Variants in EZR observed in about 807,000 individuals in gnomAD.
EZR encodes the protein ezrin.
Under a neutral mutation model 74.8 loss-of-function variants are expected in EZR, and 40 were observed. The ratio of observed to expected loss-of-function variants is 0.53; its 90% CI spans 0.42 to 0.70. The LOEUF is 0.70. Among genes scored for constraint, EZR ranks in the 30% least tolerant of loss-of-function variants. EZR has a pLI of 0.00. For missense variants in EZR, 678 were observed against 755.8 expected, an observed-to-expected ratio of 0.90 and a Z score of 1.21; for synonymous variants, 341 against 283.3, an observed-to-expected ratio of 1.20 and a Z score of -2.05.
At chr6:158,797,490 A>G (rs1777098498) in intron 2 of EZR, among the ~76,000 whole-genome samples, 1 of 152,094 alleles carries the variant, frequency 6.6e-6, no homozygotes, top group Admixed American at 6.6e-5. Flanking sequence ...AGCCACCACC[A>G]AGATTACATT....
In EZR at chr6:158,767,323, G is replaced by T. The variant is rs772494253; in HGVS notation, c.1534C>A (p.Arg512Ser). ...ELSSEGIRDD[R>S]NEEKRITEAE... ...TCAGTGATGCGCTTCTCCTCATTGC[G>T]GTCATCCCGGATGCCCTCACTAGAC... The change falls in exon 13 of 14, where the codon CGC (arginine) becomes AGC (serine). Residue 512 changes from arginine to serine, a missense_variant. Coordinates refer to ENST00000367075, the MANE Select transcript of EZR (RefSeq NM_001111077.2). The T allele has an allele frequency of 2.5e-6, 4 of 1,614,144 alleles. No individual in the cohort carries two copies. The highest frequency in any genetic ancestry group is 1.7e-5 in the Admixed American group (1 of 60,024).
chr6:158,817,469 G>A (rs188380362), intron 2 of EZR, among the ~76,000 whole-genome samples: 1 of 152,156 alleles, frequency 6.6e-6, no homozygotes, highest in African/African-American at 2.4e-5. Flanking sequence ...AAACTCCACC[G>A]GCTGCCTGCA....
intron 8 of EZR, among the ~76,000 whole-genome samples, chr6:158,774,365 A>G (rs1451117681): frequency 1.3e-5 from 2 of 152,126 alleles, no homozygotes; most frequent in Non-Finnish European, 2.9e-5. Context: ...GATCCGGCTT[A>G]GTTTTTAATC....
At chr6:158,773,289 G>A (rs1386947807) in intron 8 of EZR, among the ~76,000 whole-genome samples, 1 of 152,178 alleles carries the variant, frequency 6.6e-6, no homozygotes, top group African/African-American at 2.4e-5. Flanking sequence ...TGCCAGCAAC[G>A]GGAACCAGAA....
intron 12 of EZR, among the ~76,000 whole-genome samples, chr6:158,768,933 G>A (rs947783980): frequency 2.0e-5 from 3 of 152,180 alleles, no homozygotes; most frequent in African/African-American, 4.8e-5. Context: ...AGCTGCAGGA[G>A]GTCGTGTTTC....
chr6:158,811,315 T>C (rs1777446501), intron 2 of EZR, among the ~76,000 whole-genome samples: 1 of 148,296 alleles, frequency 6.7e-6, no homozygotes, highest in Non-Finnish European at 1.5e-5. Flanking sequence ...GAAAGCAGAC[T>C]GAATTTCACT....
intron 13 of EZR, 78 bp from the exon 14 acceptor site, chr6:158,767,156 C>A: frequency 1.3e-6 from 2 of 1,591,084 alleles, no homozygotes; most frequent in South Asian, 1.1e-5. Context: ...ACAGGAAGGG[C>A]AAGAGGGGTG....
intron 10 of EZR, among the ~76,000 whole-genome samples, 175 bp downstream of exon 10, chr6:158,770,589 A>G (rs772076586): frequency 2.2e-4 from 33 of 152,204 alleles, no homozygotes; most frequent in Non-Finnish European, 4.1e-4. Context: ...TCAAAGTTAA[A>G]TAAGTACAGA....
chr6:158,771,130 G>A (rs1218682368), intron 9 of EZR, 114 bp downstream of exon 9: 1 of 1,452,864 alleles, frequency 6.9e-7, no homozygotes, highest in Non-Finnish European at 9.2e-7. Context: ...TGGTGACTGG[G>A]TTCCATTCCA....
chr6:158,818,983 G>A (rs1336123136), intron 1 of EZR, among the ~76,000 whole-genome samples: 3 of 152,144 alleles, frequency 2.0e-5, no homozygotes, highest in Non-Finnish European at 4.4e-5. Flanking sequence ...TGTAGCAACC[G>A]TTGCCCCGCG....
intron 6 of EZR, among the ~76,000 whole-genome samples, chr6:158,784,070 C>T (rs1791500369): frequency 6.6e-6 from 1 of 152,230 alleles, no homozygotes; most frequent in Non-Finnish European, 1.5e-5. Context: ...AGACAGGAAA[C>T]CCTGAAGCAC....
At chr6:158,811,306 A>G (rs1777446410) in intron 2 of EZR, among the ~76,000 whole-genome samples, 1 of 148,814 alleles carries the variant, frequency 6.7e-6, no homozygotes, top group Non-Finnish European at 1.5e-5. Context: ...ACTGACTTTG[A>G]AAGCAGACTG....
At chr6:158,796,541 T>TA in intron 2 of EZR, among the ~76,000 whole-genome samples, 1 of 152,328 alleles carries the variant, frequency 6.6e-6, no homozygotes, top group South Asian at 2.1e-4. Context: ...TTCTATGACT[T>TA]AAAATCATCT....
intron 2 of EZR, among the ~76,000 whole-genome samples, chr6:158,801,191 T>C (rs1777179375): frequency 6.6e-6 from 1 of 152,218 alleles, no homozygotes; most frequent in South Asian, 2.1e-4. Context: ...CTCGGCTCAC[T>C]GTAGCCTCCA....
At chr6:158,769,660 GC>G in intron 11 of EZR, 123 bp downstream of exon 11, 1 of 1,397,084 alleles carries the variant, frequency 7.2e-7, no homozygotes, top group Non-Finnish European at 9.9e-7. Context: ...GCTGCCTTCA[GC>G]CCCCCAGCAG....
chr6:158,809,378 T>G (rs1225739125), intron 2 of EZR, among the ~76,000 whole-genome samples: 1 of 152,214 alleles, frequency 6.6e-6, no homozygotes, highest in Non-Finnish European at 1.5e-5. Flanking sequence ...TACATAACAT[T>G]CTCTTTCCAA....
At chr6:158,812,144 G>A (rs1375345592) in intron 2 of EZR, among the ~76,000 whole-genome samples, 2 of 152,166 alleles carry the variant, frequency 1.3e-5, no homozygotes, top group Non-Finnish European at 2.9e-5. Flanking sequence ...CAGTAAATTA[G>A]CTATGAAATT....
At chr6:158,812,912 T>A (rs771451298) in intron 2 of EZR, among the ~76,000 whole-genome samples, 9 of 152,128 alleles carry the variant, frequency 5.9e-5, no homozygotes, top group Non-Finnish European at 1.2e-4. Context: ...CTCAAATGCA[T>A]CCACTTCTGT....
rs769455167 is a variant in EZR at position 158,770,747 on chromosome 6, G to GC, written c.1090+16dup. The GC allele has an allele frequency of 1.2e-6, 2 of 1,613,932 alleles. No homozygotes were observed. The highest frequency in any genetic ancestry group is 1.7e-6 in the Non-Finnish European group (2 of 1,180,000). ...ATGCATGACCCAGTGTAGAGTGCCA[G>GC]CCCCAGGGCGCCTGACCTCTCTCTG... On this transcript the variant is annotated intron_variant, in intron 10 of 13. Transcript: ENST00000367075.
Sources: allele counts gnomAD v4.1 joint callset (sites outside exome capture counted in the v4.1 genomes callset), GRCh38; gene constraint gnomAD v4.1.1; transcripts MANE v1.5; gene names NCBI Gene and HGNC (gene_info 2026-07-23, HGNC 2026-07-21).